GPC6: variants seen among roughly 807,000 people sequenced by gnomAD.
The protein encoded by GPC6 is glypican-6.
In GPC6, 14 loss-of-function variants were observed where a neutral mutation model predicts 55.2. The observed-to-expected ratio is 0.25, with a 90% CI of 0.17 to 0.40. The LOEUF (loss-of-function observed/expected upper bound fraction) is 0.40. Ranked by LOEUF, GPC6 falls within the 10% of genes least tolerant of loss-of-function variation. GPC6 has a pLI of 1.00. For missense variants in GPC6, 641 were observed against 708.5 expected (o/e 0.90, Z 1.08); for synonymous variants, 278 against 259.6 (o/e 1.07, Z -0.68).
intron 1 of GPC6, among the ~76,000 whole-genome samples, chr13:93,286,886 G>A (rs999336009): frequency 6.6e-6 from 1 of 152,120 alleles, no homozygotes; most frequent in South Asian, 2.1e-4. Context: ...TCTGATACCT[G>A]AAATGCTCTA....
intron 2 of GPC6, among the ~76,000 whole-genome samples, chr13:93,615,207 G>T (rs2139547237): frequency 6.6e-6 from 1 of 151,992 alleles, no homozygotes; most frequent in Non-Finnish European, 1.5e-5. Flanking sequence ...ACCCTAACCA[G>T]GTTTTCTTTC....
rs1476898835 is a variant in GPC6, at chr13:94,378,557, C to T, written c.1153-3857C>T. Among the ~76,000 whole-genome samples, 8 of 152,108 alleles carry T rather than the reference C, an allele frequency of 5.3e-5. 1 individual carries two copies. The South Asian group carries it at 1.4e-3, about 28-fold the overall frequency. The stretch of plus-strand genomic sequence containing the variant: ...AGTGTTCATGGTCCTTTTGACAGGT[C>T]TTAAACTAAGAGTGTTTGTCTCTAC... On this transcript the variant is annotated intron_variant, in intron 6 of 8. Transcript: ENST00000377047.
At chr13:94,271,703 A>C (rs74105761) in intron 4 of GPC6, among the ~76,000 whole-genome samples, 2,179 of 152,088 alleles carry the variant, frequency 0.014, 50 homozygotes, top group African/African-American at 0.048. Context: ...ATGACAAAAG[A>C]TGTGTCTCTC....
intron 1 of GPC6, among the ~76,000 whole-genome samples, chr13:93,340,551 A>T (rs1257626620): frequency 6.6e-6 from 1 of 152,192 alleles, no homozygotes; most frequent in Non-Finnish European, 1.5e-5. Flanking sequence ...TGAGGAAGTG[A>T]GGGATGGGAT....
chr13:93,272,942 G>T (rs903934746), intron 1 of GPC6, among the ~76,000 whole-genome samples: 1 of 152,170 alleles, frequency 6.6e-6, no homozygotes, highest in Non-Finnish European at 1.5e-5. Flanking sequence ...TCCATAAAAT[G>T]CAGTAAGGTG....
At position 93,848,689 on chromosome 13, in the gene GPC6, C is replaced by G. The variant is rs117863973; in HGVS notation, c.711+18144C>G. ...TCAAGAGGTTGACAAGTCTGAAGTC[C>G]GCAGCCTTGCCTTTAAGTCTTCCAT... On this transcript the variant is annotated intron_variant, in intron 3 of 8. Coordinates refer to ENST00000377047, the MANE Select transcript of GPC6 (RefSeq NM_005708.5). 3.9e-5 allele frequency among the ~76,000 whole-genome samples: 6 copies of G among 152,026 alleles called. No homozygotes were observed. In the South Asian group the frequency reaches 8.3e-4, roughly 21 times the overall value.
intron 3 of GPC6, among the ~76,000 whole-genome samples, chr13:93,920,031 C>G (rs986310209): frequency 6.6e-6 from 1 of 152,128 alleles, no homozygotes; most frequent in African/African-American, 2.4e-5. Flanking sequence ...CAGCCTCTCC[C>G]ATAATAATCT....
intron 4 of GPC6, among the ~76,000 whole-genome samples, chr13:94,257,504 C>T (rs142937123): frequency 6.6e-5 from 10 of 152,256 alleles, no homozygotes; most frequent in African/African-American, 2.4e-4. Flanking sequence ...ACCTGTCAGC[C>T]CTCTCTTAGA....
intron 2 of GPC6, among the ~76,000 whole-genome samples, chr13:93,805,969 G>A (rs9524228): frequency 2.0e-5 from 3 of 151,940 alleles, no homozygotes; most frequent in African/African-American, 4.8e-5. Flanking sequence ...TTTGAGTCTC[G>A]TCAGTCATTC....
intron 4 of GPC6, among the ~76,000 whole-genome samples, chr13:94,211,622 G>A (rs1042833152): frequency 1.3e-5 from 2 of 152,182 alleles, no homozygotes; most frequent in Non-Finnish European, 2.9e-5. Context: ...AGAGGAATTA[G>A]TATCATTACC....
At chr13:94,302,163 A>G (rs1052525611) in intron 5 of GPC6, among the ~76,000 whole-genome samples, 4 of 152,256 alleles carry the variant, frequency 2.6e-5, no homozygotes, top group African/African-American at 7.2e-5. Context: ...TCAGGCTGCT[A>G]TAACACAATG....
chr13:93,578,456 C>G (rs908131304), intron 2 of GPC6, among the ~76,000 whole-genome samples: 3 of 151,652 alleles, frequency 2.0e-5, no homozygotes, highest in Admixed American at 2.0e-4. Context: ...TATTCATTTT[C>G]TTCTCAGTTT....
intron 1 of GPC6, among the ~76,000 whole-genome samples, chr13:93,278,163 G>T (rs1877820650): frequency 1.3e-5 from 2 of 152,134 alleles, no homozygotes; most frequent in South Asian, 4.1e-4. Context: ...TGCTGCAGAG[G>T]GAAATAGAAC....
chr13:94,067,420 G>A (rs572348324), intron 4 of GPC6, among the ~76,000 whole-genome samples: 39 of 151,872 alleles, frequency 2.6e-4, no homozygotes, highest in Admixed American at 1.5e-3. Flanking sequence ...TTATTATGCC[G>A]TATTCTGCTA....
intron 4 of GPC6, among the ~76,000 whole-genome samples, chr13:94,190,586 T>C (rs541859947): frequency 4.6e-5 from 7 of 152,234 alleles, no homozygotes; most frequent in African/African-American, 1.4e-4. Context: ...AAGAAAATGG[T>C]TGAAAGGATT....
intron 1 of GPC6, among the ~76,000 whole-genome samples, chr13:93,408,353 A>G (rs1206719770): frequency 6.6e-6 from 1 of 152,200 alleles, no homozygotes; most frequent in African/African-American, 2.4e-5. Flanking sequence ...GGATGGGTAC[A>G]GCACTGGGTA....
chr13:94,153,868 C>T (rs139579718), intron 4 of GPC6, among the ~76,000 whole-genome samples: 4 of 152,190 alleles, frequency 2.6e-5, no homozygotes, highest in Admixed American at 2.0e-4. Context: ...GAAGCACTAG[C>T]GTGTGTAGGT....
At chr13:94,396,363 A>G (rs1294093538) in intron 7 of GPC6, among the ~76,000 whole-genome samples, 1 of 152,168 alleles carries the variant, frequency 6.6e-6, no homozygotes, top group East Asian at 1.9e-4. Flanking sequence ...TTTAACATGT[A>G]TTGAAGTTTT....
chr13:93,788,909 G>A (rs928371126), intron 2 of GPC6, among the ~76,000 whole-genome samples: 1 of 152,108 alleles, frequency 6.6e-6, no homozygotes, highest in Non-Finnish European at 1.5e-5. Flanking sequence ...GTAAAAAAGG[G>A]AAAATTGGTA....
Sources: gnomAD v4.1 joint callset for allele counts (sites outside exome capture counted in the v4.1 genomes callset) on GRCh38, gnomAD v4.1.1 for gene constraint, MANE v1.5 for transcripts, NCBI Gene and HGNC (gene_info 2026-07-23, HGNC 2026-07-21) for gene names.